Variants in MTUS2 observed in about 807,000 individuals in gnomAD.
The protein encoded by MTUS2 is microtubule-associated tumor suppressor candidate 2.
In MTUS2, 40 loss-of-function variants were observed where a neutral mutation model predicts 114.1. The ratio of observed to expected loss-of-function variants is 0.35; its 90% CI spans 0.27 to 0.46. The LOEUF (loss-of-function observed/expected upper bound fraction) is 0.46, where lower values mean the gene tolerates loss of function less well. Among genes scored for constraint, MTUS2 ranks in the 20% least tolerant of loss-of-function variants. The pLI, the probability that MTUS2 is intolerant of heterozygous loss-of-function variation, is 1.00. For missense variants in MTUS2, 1,679 were observed against 1,705.4 expected, an observed-to-expected ratio of 0.98 and a Z score of 0.27; for synonymous variants, 688 against 672.0, an observed-to-expected ratio of 1.02 and a Z score of -0.37.
chr13:29,471,605 T>G (rs1880304416), intron 9 of MTUS2, among the ~76,000 whole-genome samples: 1 of 152,156 alleles, frequency 6.6e-6, no homozygotes, highest in Admixed American at 6.5e-5. Context: ...CAACAGTGGT[T>G]GTTTTTAGGA....
chr13:28,913,980 G>T (rs1309945437), intron 2 of MTUS2, among the ~76,000 whole-genome samples: 1 of 152,034 alleles, frequency 6.6e-6, no homozygotes, highest in East Asian at 1.9e-4. Flanking sequence ...ATTTCTGATT[G>T]TATCTATTTT....
intron 2 of MTUS2, among the ~76,000 whole-genome samples, chr13:28,845,623 G>A (rs997547277): frequency 8.6e-5 from 13 of 151,582 alleles, no homozygotes; most frequent in African/African-American, 3.1e-4. Context: ...TGGCTTCGTG[G>A]TAGAGGTCCC....
chr13:28,892,964 T>G (rs1265936214), intron 2 of MTUS2, among the ~76,000 whole-genome samples: 1 of 152,082 alleles, frequency 6.6e-6, no homozygotes, highest in Admixed American at 6.6e-5. Flanking sequence ...AATTTAGATG[T>G]GAGGAGTCTT....
intron 5 of MTUS2, among the ~76,000 whole-genome samples, chr13:29,180,751 G>A (rs551538716): frequency 6.6e-6 from 1 of 152,316 alleles, no homozygotes; most frequent in African/African-American, 2.4e-5. Flanking sequence ...AGTCAGAGTT[G>A]GTTGCATGCT....
chr13:29,175,592 G>A (rs541039058), intron 5 of MTUS2, among the ~76,000 whole-genome samples: 2 of 152,234 alleles, frequency 1.3e-5, no homozygotes, highest in South Asian at 2.1e-4. Context: ...GGCATTTGAG[G>A]GCTACAGTAT....
chr13:29,039,996 G>C (rs571834123), intron 4 of MTUS2, among the ~76,000 whole-genome samples: 13 of 151,974 alleles, frequency 8.6e-5, no homozygotes, highest in Admixed American at 8.5e-4. Context: ...AGTAGTTTTT[G>C]GGGGAAAGGT....
At chr13:29,047,812 A>C (rs1156876855) in intron 4 of MTUS2, among the ~76,000 whole-genome samples, 2 of 152,094 alleles carry the variant, frequency 1.3e-5, no homozygotes, top group African/African-American at 4.8e-5. Context: ...GCCTGGCCAG[A>C]ATTTGCCCTT....
intron 8 of MTUS2, among the ~76,000 whole-genome samples, chr13:29,412,790 G>T (rs910035948): frequency 2.6e-5 from 4 of 152,120 alleles, no homozygotes; most frequent in Admixed American, 1.3e-4. Flanking sequence ...TACTCCGGAG[G>T]CTGAGGCAGG....
intron 8 of MTUS2, among the ~76,000 whole-genome samples, chr13:29,369,535 G>T (rs766525461): frequency 1.1e-4 from 17 of 150,704 alleles, no homozygotes; most frequent in Non-Finnish European, 1.9e-4. Context: ...TTTTATTCCT[G>T]ACCATCAAAT....
chr13:29,450,419 G>A (rs1420360390), intron 9 of MTUS2, among the ~76,000 whole-genome samples: 1 of 152,160 alleles, frequency 6.6e-6, no homozygotes, highest in East Asian at 1.9e-4. Flanking sequence ...CTAGCAGAAT[G>A]TTTGGAAGAA....
intron 5 of MTUS2, among the ~76,000 whole-genome samples, chr13:29,187,262 T>C (rs1894263957): frequency 6.6e-6 from 1 of 151,124 alleles, no homozygotes; most frequent in Non-Finnish European, 1.5e-5. Flanking sequence ...AGAGAGAAAG[T>C]AAATGAAATA....
chr13:28,944,015 G>T (rs1882382553), intron 2 of MTUS2, among the ~76,000 whole-genome samples: 1 of 152,008 alleles, frequency 6.6e-6, no homozygotes, highest in South Asian at 2.1e-4. Context: ...GTGTATTGGT[G>T]TTAGATTTTT....
chr13:29,367,776 T>C (rs980048719), intron 8 of MTUS2, among the ~76,000 whole-genome samples: 1 of 151,828 alleles, frequency 6.6e-6, no homozygotes, highest in East Asian at 1.9e-4. Flanking sequence ...CTAGGAATTA[T>C]GTGCATATAC....
chr13:29,100,909 C>T lies in MTUS2; in HGVS notation c.2583C>T (p.Ser861=). The change falls in exon 5 of 16, where the codon TCC becomes TCT. Residue 861 remains serine (S), a synonymous_variant. Transcript: ENST00000612955. The stretch of plus-strand genomic sequence containing the variant: ...GCTTTGTCCGGAGCTCCAGCGTCTC[C>T]TCAGTCTCCAGCACCCAGTCCGGGG... The part of the protein sequence containing the change: ...AFGFVRSSSV[S]SVSSTQSGDS... 1.3e-6 allele frequency: 2 copies of T among 1,574,844 alleles called. No homozygotes were observed. Among genetic ancestry groups the T allele is most frequent in the Non-Finnish European group, 1.7e-6 (2 of 1,159,944 alleles).
At chr13:29,178,312 A>G (rs1208647915) in intron 5 of MTUS2, among the ~76,000 whole-genome samples, 1 of 152,172 alleles carries the variant, frequency 6.6e-6, no homozygotes, top group African/African-American at 2.4e-5. Context: ...CTACTTTCCC[A>G]AACGACCCAT....
chr13:29,040,314 C>T (rs1468011942), intron 4 of MTUS2, among the ~76,000 whole-genome samples: 1 of 152,248 alleles, frequency 6.6e-6, no homozygotes, highest in Non-Finnish European at 1.5e-5. Context: ...CTTTTTAAGG[C>T]TCATTAGTAT....
At chr13:29,167,808 A>G (rs950350024) in intron 5 of MTUS2, among the ~76,000 whole-genome samples, 1 of 152,136 alleles carries the variant, frequency 6.6e-6, no homozygotes, top group Non-Finnish European at 1.5e-5. Context: ...GTATAATGCA[A>G]ATATTCCCAA....
intron 8 of MTUS2, among the ~76,000 whole-genome samples, chr13:29,432,380 A>G (rs563625511): frequency 6.6e-6 from 1 of 152,304 alleles, no homozygotes; most frequent in South Asian, 2.1e-4. Context: ...TCCTGAGCTG[A>G]TGATTGTTAG....
chr13:28,853,907 T>C (rs1043963013), intron 2 of MTUS2, among the ~76,000 whole-genome samples: 5 of 152,216 alleles, frequency 3.3e-5, no homozygotes, highest in African/African-American at 1.2e-4. Context: ...TAACAGTGTA[T>C]CTTGTGCTAT....
Sources: allele counts gnomAD v4.1 joint callset (sites outside exome capture counted in the v4.1 genomes callset), GRCh38; gene constraint gnomAD v4.1.1; transcripts MANE v1.5; gene names NCBI Gene and HGNC (gene_info 2026-07-23, HGNC 2026-07-21).